TMEM231: variants seen among roughly 807,000 people sequenced by gnomAD.
The protein encoded by TMEM231 is transmembrane protein 231.
In TMEM231, 40 loss-of-function variants were observed where a neutral mutation model predicts 38.5. The ratio of observed to expected loss-of-function variants is 1.04; its 90% CI spans 0.81 to 1.35. TMEM231 has a LOEUF of 1.35. Ranked by LOEUF, TMEM231 falls within the 40% of genes most tolerant of loss-of-function variation. The pLI is 0.00. For missense variants in TMEM231, 420 were observed against 416.9 expected (o/e 1.01, Z -0.07); for synonymous variants, 199 against 181.7 (o/e 1.10, Z -0.77).
At position 75,556,177 on chromosome 16, in the gene TMEM231, G is replaced by C. The variant is rs762837979; in HGVS notation, c.33C>G (p.Val11=). The change falls in exon 1 of 7, where the codon GTC becomes GTG. Residue 11 remains valine, a synonymous_variant. Coordinates refer to ENST00000258173, the MANE Select transcript of TMEM231 (RefSeq NM_001077418.3). ...AGAGCCCCGCGCGGTAACTGCGCTC[G>C]ACCGGGTGAGAGAAGAGCTCATAGA... The part of the protein sequence containing the change: MALYELFSHP[V]ERSYRAGLCS... The C allele has an allele frequency of 8.5e-6, 13 of 1,530,748 alleles. No individual in the cohort carries two copies. The highest frequency in any genetic ancestry group is 6.9e-5 in the African/African-American group (5 of 72,120). 94.8% of individuals were successfully genotyped at this position (1,530,748 alleles called of 1,614,324 possible).
intron 4 of TMEM231, among the ~76,000 whole-genome samples, chr16:75,543,630 C>T (rs967404428): frequency 2.0e-5 from 3 of 152,078 alleles, no homozygotes; most frequent in African/African-American, 7.2e-5. Context: ...AGAAACCATA[C>T]TTCCAACTCC....
Position 75,538,124 on chromosome 16 carries a change from T to C in TMEM231, c.*1870A>G, listed in dbSNP as rs1382515748. ...AAAAAGGTACATGTGATCTTCCATT[T>C]TGACTTTTTTATTTATTTATTTATT... On this transcript the variant is annotated 3_prime_UTR_variant, in exon 7 of 7. Coordinates refer to ENST00000258173, the MANE Select transcript of TMEM231 (RefSeq NM_001077418.3). The C allele has an allele frequency of 6.6e-6, 1 of 151,664 alleles. No individual in the cohort carries two copies. The highest frequency in any genetic ancestry group is 1.5e-5 in the Non-Finnish European group (1 of 67,770). 9.4% of individuals were successfully genotyped at this position (151,664 alleles called of 1,614,324 possible).
intron 2 of TMEM231, 38 bp downstream of exon 2, chr16:75,555,766 C>T: frequency 6.8e-7 from 1 of 1,474,586 alleles, no homozygotes. Flanking sequence ...CCCACCCTAT[C>T]CCCGACTCTG....
At chr16:75,544,297 G>A (rs2080657963) in intron 4 of TMEM231, among the ~76,000 whole-genome samples, 1 of 152,204 alleles carries the variant, frequency 6.6e-6, no homozygotes, top group South Asian at 2.1e-4. Flanking sequence ...ATGGTGGAAG[G>A]AGGGGCTGCT....
At chr16:75,547,961 G>T (rs1466858808) in intron 2 of TMEM231, among the ~76,000 whole-genome samples, 2 of 152,118 alleles carry the variant, frequency 1.3e-5, no homozygotes, top group Non-Finnish European at 1.5e-5. Context: ...TAGTGGCCAG[G>T]AGACAACTGC....
chr16:75,551,699 C>T (rs991644847), intron 2 of TMEM231, among the ~76,000 whole-genome samples: 9 of 152,068 alleles, frequency 5.9e-5, no homozygotes, highest in Non-Finnish European at 1.0e-4. Flanking sequence ...CAGTGGCTCA[C>T]GCCTGTAATC....
chr16:75,540,965 C>A lies in TMEM231; in HGVS notation c.770+385G>T, dbSNP rs577893240. ...CCACGTCTGTTACTACTTGAGACAA[C>A]TAAGGAATCATTCCTCTTTGAAAAC... On this transcript the variant is annotated intron_variant, in intron 6 of 6. Coordinates refer to ENST00000258173, the MANE Select transcript of TMEM231 (RefSeq NM_001077418.3). 4.6e-5 allele frequency among the ~76,000 whole-genome samples: 7 copies of A among 152,260 alleles called. No homozygotes were observed. The East Asian group carries it at 1.4e-3, about 29-fold the overall frequency.
At chr16:75,551,597 T>G (rs1476910543) in intron 2 of TMEM231, among the ~76,000 whole-genome samples, 1 of 152,190 alleles carries the variant, frequency 6.6e-6, no homozygotes, top group Admixed American at 6.6e-5. Flanking sequence ...TCACTTACTT[T>G]TTAAAAAGTT....
At chr16:75,540,203 C>A in intron 6 of TMEM231, 29 bp from the exon 7 acceptor site, 3 of 1,589,402 alleles carry the variant, frequency 1.9e-6, no homozygotes, top group Non-Finnish European at 1.7e-6. Context: ...TGAAGGGCCA[C>A]ATGGTGTTAA....
intron 4 of TMEM231, among the ~76,000 whole-genome samples, chr16:75,543,883 A>G (rs1389561381): frequency 1.3e-5 from 2 of 152,218 alleles, no homozygotes; most frequent in African/African-American, 4.8e-5. Flanking sequence ...AACCCACTAT[A>G]TATCTACAAG....
intron 2 of TMEM231, among the ~76,000 whole-genome samples, chr16:75,549,691 G>A (rs1178006294): frequency 6.6e-6 from 1 of 152,012 alleles, no homozygotes; most frequent in African/African-American, 2.4e-5. Flanking sequence ...CGCATGTACT[G>A]AGCAGAGTCA....
At chr16:75,542,790 T>C (rs1260811728) in intron 4 of TMEM231, 107 bp from the exon 5 acceptor site, 6 of 854,878 alleles carry the variant, frequency 7.0e-6, no homozygotes, top group Non-Finnish European at 1.1e-5. Context: ...CCTCTTGTTC[T>C]TGGTGGCCTA....
rs1012331180 is a variant in TMEM231, at chr16:75,538,174, C to A, written c.*1820G>T. On this transcript the variant is annotated 3_prime_UTR_variant, in exon 7 of 7. Coordinates refer to ENST00000258173, the MANE Select transcript of TMEM231 (RefSeq NM_001077418.3). ...TTATTTTAACAGATAGGGTCTCACT[C>A]TGTCACCCAGGCTACAGTACAGTGG... 11 of 152,132 alleles carry A rather than the reference C, an allele frequency of 7.2e-5. No individual in the cohort carries two copies. Among genetic ancestry groups the A allele is most frequent in the African/African-American group, 2.7e-4 (11 of 41,416 alleles). The allele number at this position is 152,132 out of a possible 1,614,324, so 9.4% of individuals were successfully genotyped here.
intron 2 of TMEM231, among the ~76,000 whole-genome samples, chr16:75,551,634 T>A (rs970380675): frequency 7.7e-6 from 1 of 129,724 alleles, no homozygotes; most frequent in Non-Finnish European, 1.5e-5. Flanking sequence ...GATTTAGACA[T>A]ATTTACACAG....
In TMEM231 at chr16:75,555,818, C is replaced by G. The variant is rs771086104; in HGVS notation, c.295G>C (p.Val99Leu). 3.2e-6 allele frequency: 5 copies of G among 1,549,028 alleles called. No individual in the cohort carries two copies. The highest frequency in any genetic ancestry group is 4.7e-5 in the East Asian group (2 of 42,792). Residue 99 changes from valine to leucine, a missense_variant, in exon 2 of 7, where the codon GTC becomes CTC. Physicochemically the swap from Val to Leu is conservative, Grantham distance 32. Coordinates refer to ENST00000258173, the MANE Select transcript of TMEM231 (RefSeq NM_001077418.3). ...FNRLQGDRLR[V>L]PLVSTREEDR... ...GAACCACGCACCGAAACGAGCGGGA[C>G]GCGCAGGCGATCCCCTTGCAGCCGG...
At chr16:75,554,180 C>T (rs1208902412) in intron 2 of TMEM231, among the ~76,000 whole-genome samples, 1 of 152,136 alleles carries the variant, frequency 6.6e-6, no homozygotes. Context: ...TTTCTATGTA[C>T]TTATACCATT....
chr16:75,545,042 A>G (rs1597040889), intron 4 of TMEM231, among the ~76,000 whole-genome samples: 1 of 129,294 alleles, frequency 7.7e-6, no homozygotes, highest in South Asian at 2.4e-4. Context: ...TGTAACCTCC[A>G]CCTCCTGGGT....
chr16:75,551,718 T>G, intron 2 of TMEM231, among the ~76,000 whole-genome samples: 1 of 152,060 alleles, frequency 6.6e-6, no homozygotes, highest in Non-Finnish European at 1.5e-5. Context: ...TCCCAGCACT[T>G]TGGGAAGCCG....
rs2080568479 is a variant in TMEM231, at chr16:75,537,144, A to G, written c.*2850T>C. ...CTCAAAAAAAAAAAAAAAAAAGAAA[A>G]AGAAAAAGAAAAGAAAAACCACCTA... On this transcript the variant is annotated 3_prime_UTR_variant, in exon 7 of 7. Coordinates refer to ENST00000258173, the MANE Select transcript of TMEM231 (RefSeq NM_001077418.3). 6.6e-6 allele frequency: 1 copy of G among 152,044 alleles called. No homozygotes were observed. Among genetic ancestry groups the G allele is most frequent in the Non-Finnish European group, 1.5e-5 (1 of 68,390 alleles). The allele number at this position is 152,044 out of a possible 1,614,324, so 9.4% of individuals were successfully genotyped here.
Sources: allele counts gnomAD v4.1 joint callset (sites outside exome capture counted in the v4.1 genomes callset), GRCh38; gene constraint gnomAD v4.1.1; transcripts MANE v1.5; gene names NCBI Gene and HGNC (gene_info 2026-07-23, HGNC 2026-07-21).